The following DYNC1I2 variants were observed in gnomAD, a reference collection of about 807,000 sequenced individuals.
DYNC1I2 encodes dynein cytoplasmic 1 intermediate chain 2.
A neutral mutation model predicts 88.6 loss-of-function variants in DYNC1I2; 53 were observed. That is an observed-to-expected ratio of 0.60 (90% confidence interval 0.48 to 0.75). The LOEUF is 0.75. DYNC1I2 is among the 30% of genes least tolerant of loss of function. The probability of loss-of-function intolerance (pLI) is 0.00; values close to 1 mark genes in which losing one functional copy is unlikely to be tolerated. For missense variants in DYNC1I2, 458 were observed against 766.6 expected (o/e 0.60, Z 4.75); for synonymous variants, 198 against 254.6 (o/e 0.78, Z 2.12).
chr2:171,736,298 C>T (rs1689000436), intron 15 of DYNC1I2, among the ~76,000 whole-genome samples: 1 of 152,184 alleles, frequency 6.6e-6, no homozygotes, highest in Non-Finnish European at 1.5e-5. Flanking sequence ...TCAGTTTAAT[C>T]AGTATACTAG....
intron 15 of DYNC1I2, among the ~76,000 whole-genome samples, chr2:171,731,341 A>G (rs1214546118): frequency 6.6e-6 from 1 of 152,220 alleles, no homozygotes; most frequent in Non-Finnish European, 1.5e-5. Context: ...GAGCGCAGGC[A>G]TGACACTCAA....
chr2:171,705,518 T>C (rs1309053208), intron 3 of DYNC1I2, among the ~76,000 whole-genome samples: 5 of 152,124 alleles, frequency 3.3e-5, no homozygotes, highest in Non-Finnish European at 5.9e-5. Context: ...CTTGAAAACA[T>C]TGTGGTGCCT....
At chr2:171,718,595 G>A (rs1037507151) in intron 7 of DYNC1I2, among the ~76,000 whole-genome samples, 2 of 151,844 alleles carry the variant, frequency 1.3e-5, no homozygotes, top group South Asian at 2.1e-4. Context: ...CACCACGCCC[G>A]GCTAATTTTT....
chr2:171,696,075 A>C (rs78288078), intron 3 of DYNC1I2, among the ~76,000 whole-genome samples: 1 of 152,132 alleles, frequency 6.6e-6, no homozygotes, highest in Non-Finnish European at 1.5e-5. Flanking sequence ...ATGTATAGGC[A>C]TTCTTTGTGT....
chr2:171,695,570 C>T (rs2105473839), intron 3 of DYNC1I2, among the ~76,000 whole-genome samples: 1 of 152,186 alleles, frequency 6.6e-6, no homozygotes, highest in East Asian at 1.9e-4. Flanking sequence ...ATATAATATC[C>T]TATTATGTAC....
chr2:171,728,672 A>G, intron 13 of DYNC1I2, 45 bp from the exon 14 acceptor site: 2 of 1,469,904 alleles, frequency 1.4e-6, no homozygotes, highest in South Asian at 2.9e-5. Flanking sequence ...CAGAAATTTA[A>G]AATTGCAAGT....
chr2:171,699,483 A>G (rs374834133), intron 3 of DYNC1I2, among the ~76,000 whole-genome samples: 1 of 152,310 alleles, frequency 6.6e-6, no homozygotes, highest in African/African-American at 2.4e-5. Flanking sequence ...AGAATAATTT[A>G]TAAAAGATGC....
intron 3 of DYNC1I2, among the ~76,000 whole-genome samples, chr2:171,705,846 A>G (rs1309772160): frequency 2.0e-5 from 3 of 152,068 alleles, no homozygotes; most frequent in Non-Finnish European, 2.9e-5. Flanking sequence ...AGAAACATTG[A>G]TGAAGTTTTT....
intron 17 of DYNC1I2, 148 bp downstream of exon 17, chr2:171,746,075 CA>C: frequency 1.4e-6 from 1 of 739,950 alleles, no homozygotes; most frequent in Non-Finnish European, 2.0e-6. Flanking sequence ...ACCACAGAAG[CA>C]GCTCTTGAAA....
chr2:171,700,963 A>G (rs1686211502), intron 3 of DYNC1I2, among the ~76,000 whole-genome samples: 1 of 151,614 alleles, frequency 6.6e-6, no homozygotes, highest in African/African-American at 2.4e-5. Flanking sequence ...GTCTTAGGTG[A>G]CTCTGATTTT....
intron 15 of DYNC1I2, among the ~76,000 whole-genome samples, chr2:171,732,181 TG>T (rs1688663883): frequency 6.6e-6 from 1 of 152,128 alleles, no homozygotes; most frequent in South Asian, 2.1e-4. Context: ...CCAGCCAACA[TG>T]GTGAAACCCC....
At chr2:171,709,136 C>T (rs1686914363) in intron 5 of DYNC1I2, among the ~76,000 whole-genome samples, 1 of 151,948 alleles carries the variant, frequency 6.6e-6, no homozygotes, top group Admixed American at 6.6e-5. Flanking sequence ...TGATATTATA[C>T]ATTATTTTTA....
At chr2:171,706,784 T>C (rs1686713848) in intron 4 of DYNC1I2, 1 of 464,158 alleles carries the variant, frequency 2.2e-6, no homozygotes, top group Non-Finnish European at 3.8e-6. Flanking sequence ...ATTTTAAACA[T>C]TACTTTTTGA....
intron 7 of DYNC1I2, among the ~76,000 whole-genome samples, chr2:171,722,175 C>T (rs1327022755): frequency 1.3e-5 from 2 of 152,128 alleles, no homozygotes; most frequent in East Asian, 3.8e-4. Flanking sequence ...AGAGATTATT[C>T]CAACAACTGG....
At chr2:171,746,435 T>C (rs1208653325) in intron 17 of DYNC1I2, among the ~76,000 whole-genome samples, 1 of 152,180 alleles carries the variant, frequency 6.6e-6, no homozygotes, top group Non-Finnish European at 1.5e-5. Flanking sequence ...TCTTTGCTGC[T>C]CTGATTGGCT....
intron 4 of DYNC1I2, 53 bp downstream of exon 4, chr2:171,706,617 G>A: frequency 6.5e-7 from 1 of 1,532,946 alleles, no homozygotes; most frequent in South Asian, 1.1e-5. Context: ...ATCACTTTAT[G>A]TTATGCATAA....
chr2:171,693,211 A>G (rs1380297258), intron 3 of DYNC1I2: 1 of 297,306 alleles, frequency 3.4e-6, no homozygotes, highest in Non-Finnish European at 6.5e-6. Flanking sequence ...AAAGATAACT[A>G]GGATTCCTGA....
In DYNC1I2 at chr2:171,725,605, T is replaced by G. The variant is rs755990538; in HGVS notation, c.512-13T>G. 6.9e-4 allele frequency: 971 copies of G among 1,411,682 alleles called. 5 individuals are homozygous for G. The highest frequency in any genetic ancestry group is 1.3e-3 in the African/African-American group (87 of 66,834). 87.4% of individuals were successfully genotyped at this position (1,411,682 alleles called of 1,614,324 possible). A position where few individuals can be genotyped will look rare whatever the true frequency, so the allele number is the denominator to read the frequency against. On this transcript the variant is annotated splice_polypyrimidine_tract_variant and intron_variant, in intron 7 of 17. Coordinates refer to ENST00000397119, the MANE Select transcript of DYNC1I2 (RefSeq NM_001378.3). Reference sequence around the variant, plus strand: ...TTTTTTGTTTTTTTGTTTGTTTTTTTTTTTTTTTTCAGATGAAGAGGAAGA... The same window carrying G: ...TTTTTTGTTTTTTTGTTTGTTTTTTGTTTTTTTTTCAGATGAAGAGGAAGA...
chr2:171,697,953 A>G (rs148779366), intron 3 of DYNC1I2, among the ~76,000 whole-genome samples: 4 of 152,324 alleles, frequency 2.6e-5, no homozygotes, highest in African/African-American at 4.8e-5. Flanking sequence ...TGTGTCCTTC[A>G]TATTGTATCA....
Sources: gnomAD v4.1 joint callset for allele counts (sites outside exome capture counted in the v4.1 genomes callset) on GRCh38, gnomAD v4.1.1 for gene constraint, MANE v1.5 for transcripts, NCBI Gene and HGNC (gene_info 2026-07-23, HGNC 2026-07-21) for gene names.